KCNQ3: variants seen among roughly 807,000 people sequenced by gnomAD.
KCNQ3 encodes the protein potassium voltage-gated channel subfamily Q member 3.
In KCNQ3, 30 loss-of-function variants were observed where a neutral mutation model predicts 92.5. The ratio of observed to expected loss-of-function variants is 0.32; its 90% confidence interval spans 0.24 to 0.44. KCNQ3 has a LOEUF of 0.44. Among genes scored for constraint, KCNQ3 ranks in the 20% least tolerant of loss-of-function variants. The pLI, the probability that KCNQ3 is intolerant of heterozygous loss-of-function variation, is 1.00. For synonymous variants in KCNQ3, 450 were observed against 468.8 expected, an observed-to-expected ratio of 0.96 and a Z score of 0.52; for missense variants, 913 against 1,140.3, an observed-to-expected ratio of 0.80 and a Z score of 2.87.
At chr8:132,407,846 T>C (rs2130793252) in intron 1 of KCNQ3, among the ~76,000 whole-genome samples, 1 of 152,268 alleles carries the variant, frequency 6.6e-6, no homozygotes, top group East Asian at 1.9e-4. Flanking sequence ...TCCAGGTCAC[T>C]GATGCTCAAG....
rs368133616 is a variant in KCNQ3 at position 132,134,241 on chromosome 8, T to G, written c.1799+49A>C. ...GCAGAGGTTTGGGGGTGGGGATGCT[T>G]TACAAACTTTGCACCCCTGGCCCAT... On this transcript the variant is annotated intron_variant, in intron 13 of 14. Transcript: ENST00000388996. 6.3e-5 allele frequency: 90 copies of G among 1,422,850 alleles called. No individual in the cohort carries two copies. In the African/African-American group the frequency reaches 1.1e-3, roughly 18 times the overall value. 88.1% of individuals were successfully genotyped at this position (1,422,850 alleles called of 1,614,324 possible).
At chr8:132,460,609 A>T (rs1260856158) in intron 1 of KCNQ3, among the ~76,000 whole-genome samples, 1 of 152,204 alleles carries the variant, frequency 6.6e-6, no homozygotes, top group African/African-American at 2.4e-5. Flanking sequence ...TTCATTGCCA[A>T]AGTTGCTTAG....
rs1818230213 is a variant in KCNQ3 at position 132,331,554 on chromosome 8, TC to T, written c.387-145374del. On this transcript the variant is annotated intron_variant, in intron 1 of 14. Coordinates refer to ENST00000388996, the MANE Select transcript of KCNQ3 (RefSeq NM_004519.4). ...CTGGGCAGCTGTGGCTGCTGCTTCC[TC>T]CCCTCCCTGTCCCCTCCCCTCTTCT... is the stretch of plus-strand genomic sequence containing the variant. 1.1e-4 allele frequency among the ~76,000 whole-genome samples: 17 copies of T among 152,260 alleles called. No individual in the cohort carries two copies. In the South Asian group the frequency reaches 3.5e-3, roughly 32 times the overall value.
chr8:132,374,619 AC>A (rs1819562102), intron 1 of KCNQ3, among the ~76,000 whole-genome samples: 1 of 152,128 alleles, frequency 6.6e-6, no homozygotes, highest in African/African-American at 2.4e-5. Context: ...TTATTTCATC[AC>A]CCAGGTACTA....
At chr8:132,208,085 T>C (rs1007158878) in intron 1 of KCNQ3, among the ~76,000 whole-genome samples, 2 of 152,142 alleles carry the variant, frequency 1.3e-5, no homozygotes, top group Non-Finnish European at 2.9e-5. Context: ...TAAATGCTCC[T>C]GGATTTTATA....
chr8:132,186,268 GA>G, intron 1 of KCNQ3, 87 bp from the exon 2 acceptor site: 1 of 921,530 alleles, frequency 1.1e-6, no homozygotes, highest in East Asian at 2.5e-5. Flanking sequence ...CTTCCAGGAT[GA>G]AGCTGCAACT....
intron 14 of KCNQ3, among the ~76,000 whole-genome samples, chr8:132,131,869 C>A (rs1387188057): frequency 6.6e-6 from 1 of 152,052 alleles, no homozygotes; most frequent in Admixed American, 6.6e-5. Flanking sequence ...GGGCAGATCA[C>A]CTGAGGTCAG....
chr8:132,403,333 C>A (rs1250741051), intron 1 of KCNQ3, among the ~76,000 whole-genome samples: 2 of 152,146 alleles, frequency 1.3e-5, no homozygotes, highest in African/African-American at 2.4e-5. Context: ...TCTGGGCCAT[C>A]CCCAGCCCCT....
intron 7 of KCNQ3, 127 bp from the exon 8 acceptor site, chr8:132,170,555 A>G (rs1826298482): frequency 2.9e-6 from 2 of 684,986 alleles, no homozygotes; most frequent in Non-Finnish European, 5.2e-6. Flanking sequence ...TTGAGCCAAC[A>G]TTCAGAAAAA....
intron 1 of KCNQ3, among the ~76,000 whole-genome samples, chr8:132,415,833 T>C (rs1820786085): frequency 6.6e-6 from 1 of 152,204 alleles, no homozygotes; most frequent in Non-Finnish European, 1.5e-5. Flanking sequence ...ATCTCTGGCA[T>C]GAAAATTTCA....
At chr8:132,271,284 C>T (rs760501157) in intron 1 of KCNQ3, among the ~76,000 whole-genome samples, 2 of 152,226 alleles carry the variant, frequency 1.3e-5, no homozygotes, top group Non-Finnish European at 2.9e-5. Flanking sequence ...CTAACCACAG[C>T]CTGAAACCCA....
chr8:132,164,507 T>C (rs1042177561), intron 8 of KCNQ3, among the ~76,000 whole-genome samples: 3 of 152,154 alleles, frequency 2.0e-5, no homozygotes, highest in African/African-American at 7.2e-5. Context: ...TAAGAATTTC[T>C]GCTTTGAGGG....
At chr8:132,140,023 T>G in intron 11 of KCNQ3, 53 bp downstream of exon 11, 2 of 1,234,476 alleles carry the variant, frequency 1.6e-6, no homozygotes, top group African/African-American at 1.5e-5. Context: ...CTGTGGGAGT[T>G]GAGCTGGAGC....
chr8:132,254,145 C>T (rs1184890963), intron 1 of KCNQ3, among the ~76,000 whole-genome samples: 2 of 152,234 alleles, frequency 1.3e-5, no homozygotes, highest in African/African-American at 4.8e-5. Flanking sequence ...GATTTCGAAT[C>T]TGCATTTAAA....
Position 132,169,029 on chromosome 8 carries a change from C to G in KCNQ3, c.1235+1305G>C, listed in dbSNP as rs150144347. Among the ~76,000 whole-genome samples the G allele has an allele frequency of 5.9e-5, 9 of 152,264 alleles. No individual in the cohort carries two copies. In the East Asian group the frequency reaches 1.7e-3, roughly 29 times the overall value. On this transcript the variant is annotated intron_variant, in intron 8 of 14. Coordinates refer to ENST00000388996, the MANE Select transcript of KCNQ3 (RefSeq NM_004519.4). ...AGTATCAAAAACAAAAAAATGCACT[C>G]TGTTCTAGAAGCTCAAGTAGTGAAA...
In KCNQ3 at chr8:132,129,095, T is replaced by G; in HGVS notation, c.*167A>C. 1 of 686,434 alleles carries G rather than the reference T, an allele frequency of 1.5e-6. No homozygotes were observed. The highest frequency in any genetic ancestry group is 2.5e-6 in the Non-Finnish European group (1 of 402,290). The allele number at this position is 686,434 out of a possible 1,614,324, so 42.5% of individuals were successfully genotyped here. On this transcript the variant is annotated 3_prime_UTR_variant, in exon 15 of 15. Coordinates refer to ENST00000388996, the MANE Select transcript of KCNQ3 (RefSeq NM_004519.4). The surrounding 1 kb of genome is among the most constrained non-coding windows in gnomAD (Gnocchi z 5.9). ...AAGGAAGCACTTTGTTGTGGTGACA[T>G]GGGGAGGAAGAGGCTGTGGGAAGCC...
At chr8:132,417,315 C>G (rs969197149) in intron 1 of KCNQ3, among the ~76,000 whole-genome samples, 1 of 152,146 alleles carries the variant, frequency 6.6e-6, no homozygotes, top group Non-Finnish European at 1.5e-5. Flanking sequence ...ACTGATGGCT[C>G]TTGGAGGAGC....
intron 1 of KCNQ3, among the ~76,000 whole-genome samples, chr8:132,397,526 C>T (rs922331160): frequency 5.9e-5 from 9 of 152,110 alleles, no homozygotes; most frequent in African/African-American, 2.2e-4. Flanking sequence ...TAGGTAAGTG[C>T]TGGGTACAAA....
At chr8:132,304,938 G>A (rs933061700) in intron 1 of KCNQ3, among the ~76,000 whole-genome samples, 5 of 152,142 alleles carry the variant, frequency 3.3e-5, no homozygotes, top group Non-Finnish European at 5.9e-5. Flanking sequence ...GGCAATTAGG[G>A]AGTAACTGAA....
Sources: gnomAD v4.1 joint callset for allele counts (sites outside exome capture counted in the v4.1 genomes callset) on GRCh38, gnomAD v4.1.1 for gene constraint, Gnocchi (gnomAD v3.1) non-coding constraint, MANE v1.5 for transcripts, NCBI Gene and HGNC (gene_info 2026-07-23, HGNC 2026-07-21) for gene names.